Variants in RDX observed in about 807,000 individuals in gnomAD.
RDX encodes deafness, autosomal recessive 24.
In RDX, 32 loss-of-function variants were observed where a neutral mutation model predicts 83.7. The ratio of observed to expected loss-of-function variants is 0.38; its 90% CI spans 0.29 to 0.51. The LOEUF (loss-of-function observed/expected upper bound fraction) is 0.51, where lower values mean the gene tolerates loss of function less well. RDX is among the 20% of genes least tolerant of loss of function. The pLI is 0.87. For synonymous variants in RDX, 229 were observed against 222.7 expected (o/e 1.03, Z -0.25); for missense variants, 600 against 689.9 (o/e 0.87, Z 1.46).
At chr11:110,239,413 GAA>G (rs912574037) in intron 10 of RDX, among the ~76,000 whole-genome samples, 6 of 152,154 alleles carry the variant, frequency 3.9e-5, no homozygotes, top group African/African-American at 1.4e-4. Flanking sequence ...AAGAATAGAA[GAA>G]AGTGTCTACA....
At chr11:110,184,531 T>C (rs912141452) in intron 15 of RDX, among the ~76,000 whole-genome samples, 2 of 152,162 alleles carry the variant, frequency 1.3e-5, no homozygotes, top group Non-Finnish European at 2.9e-5. Context: ...CTGCTCTGAC[T>C]GATGGAAATC....
intron 1 of RDX, among the ~76,000 whole-genome samples, chr11:110,288,144 T>C (rs561427606): frequency 4.6e-5 from 7 of 152,306 alleles, no homozygotes; most frequent in South Asian, 4.1e-4. Context: ...TGATTTCTGG[T>C]TTAATGATAT....
chr11:110,272,652 A>T, intron 2 of RDX, 33 bp from the exon 3 acceptor site: 1 of 1,441,404 alleles, frequency 6.9e-7, no homozygotes, highest in Non-Finnish European at 9.7e-7. Context: ...AATAAGTAGA[A>T]GAGAAGTTAT....
At chr11:110,188,015 C>G (rs1234899028) in intron 15 of RDX, among the ~76,000 whole-genome samples, 2 of 152,166 alleles carry the variant, frequency 1.3e-5, no homozygotes, top group African/African-American at 4.8e-5. Flanking sequence ...TGGCATTGGC[C>G]GGGCATGGTG....
chr11:110,273,603 T>C (rs1197674435), intron 2 of RDX, among the ~76,000 whole-genome samples: 2 of 152,356 alleles, frequency 1.3e-5, no homozygotes, highest in African/African-American at 2.4e-5. Context: ...TAAATAATAA[T>C]TTTATTGTGT....
At chr11:110,182,663 T>A (rs1862910569) in intron 15 of RDX, among the ~76,000 whole-genome samples, 1 of 152,170 alleles carries the variant, frequency 6.6e-6, no homozygotes, top group African/African-American at 2.4e-5. Flanking sequence ...TCTTGGGTAA[T>A]CCTGTTCCTC....
At chr11:110,211,443 AG>A (rs1358318793) in intron 14 of RDX, among the ~76,000 whole-genome samples, 5 of 150,446 alleles carry the variant, frequency 3.3e-5, no homozygotes, top group Non-Finnish European at 7.4e-5. Flanking sequence ...AAAGTCAACA[AG>A]GATACCCAGG....
At chr11:110,262,002 A>C (rs1036800816) in intron 5 of RDX, among the ~76,000 whole-genome samples, 1 of 152,244 alleles carries the variant, frequency 6.6e-6, no homozygotes, top group Non-Finnish European at 1.5e-5. Flanking sequence ...GTTTAGATAA[A>C]GCATTCCTAT....
chr11:110,237,574 T>C lies in RDX; in HGVS notation c.1169A>G (p.Glu390Gly), dbSNP rs746466609. Residue 390 changes from glutamate to glycine, a missense_variant, in exon 11 of 14, where the codon GAA becomes GGA. Transcript: ENST00000645495. The stretch of plus-strand genomic sequence containing the variant: ...CTCTTCAGCAGCTCGACGCTCCTTT[T>C]CAAGTCGTTCTGCTTCTTCTTTTGC... The part of the protein sequence containing the change: ...KRAKEEAERL[E>G]KERRAAEEAK... The C allele has an allele frequency of 6.2e-7, 1 of 1,614,152 alleles. No individual in the cohort carries two copies. The highest frequency in any genetic ancestry group is 8.5e-7 in the Non-Finnish European group (1 of 1,180,030).
At position 110,247,845 on chromosome 11, in the gene RDX, T is replaced by C. The variant is rs540700692; in HGVS notation, c.960-12A>G. ...TCTCTAATTGTGCCCTTAAAAGGAA[T>C]TGCAATTGCTGTTACAAATTAATAC... On this transcript the variant is annotated splice_polypyrimidine_tract_variant and intron_variant, in intron 9 of 13. Transcript: ENST00000645495. 14 of 1,550,060 alleles carry C rather than the reference T, an allele frequency of 9.0e-6. No homozygotes were observed. The highest frequency in any genetic ancestry group is 1.2e-5 in the South Asian group (1 of 85,112).
chr11:110,189,465 C>T (rs1342486051), intron 15 of RDX, among the ~76,000 whole-genome samples: 1 of 152,016 alleles, frequency 6.6e-6, no homozygotes, highest in Non-Finnish European at 1.5e-5. Context: ...AGGCAGAAAA[C>T]TAAAAAATTT....
At chr11:110,280,322 C>A (rs948011383) in intron 1 of RDX, among the ~76,000 whole-genome samples, 1 of 152,152 alleles carries the variant, frequency 6.6e-6, no homozygotes, top group Non-Finnish European at 1.5e-5. Context: ...CAGCTCACTG[C>A]AGCCTAAACC....
At chr11:110,194,983 T>C (rs1863173305) in intron 15 of RDX, among the ~76,000 whole-genome samples, 1 of 151,990 alleles carries the variant, frequency 6.6e-6, no homozygotes, top group South Asian at 2.1e-4. Context: ...GTTTTTTGTT[T>C]TGTTTTGTTT....
At chr11:110,187,875 C>T (rs11213299) in intron 15 of RDX, among the ~76,000 whole-genome samples, 63,831 of 152,106 alleles carry the variant, frequency 0.42, 13,708 homozygotes, top group East Asian at 0.6. Context: ...AAGTATACAC[C>T]CATCTGTGTT....
intron 3 of RDX, among the ~76,000 whole-genome samples, chr11:110,265,202 T>G (rs1859987586): frequency 6.7e-6 from 1 of 150,032 alleles, no homozygotes; most frequent in Non-Finnish European, 1.5e-5. Flanking sequence ...GTGATTCTCC[T>G]GCCTCAGCCT....
At chr11:110,271,197 G>A (rs1052067940) in intron 3 of RDX, among the ~76,000 whole-genome samples, 1 of 152,220 alleles carries the variant, frequency 6.6e-6, no homozygotes, top group Admixed American at 6.5e-5. Flanking sequence ...TTACTTGTCA[G>A]GAGAATAAAC....
At chr11:110,191,784 A>T (rs1328567009) in intron 15 of RDX, among the ~76,000 whole-genome samples, 2 of 152,190 alleles carry the variant, frequency 1.3e-5, no homozygotes, top group African/African-American at 4.8e-5. Context: ...CGAACCTGGG[A>T]GGTGGAAGTT....
chr11:110,211,421 T>C (rs1167858914), intron 14 of RDX, among the ~76,000 whole-genome samples: 1 of 150,026 alleles, frequency 6.7e-6, no homozygotes. Flanking sequence ...ATTAGACAGA[T>C]CAACGAGACA....
intron 14 of RDX, among the ~76,000 whole-genome samples, chr11:110,207,022 G>A (rs1477526372): frequency 6.6e-6 from 1 of 152,022 alleles, no homozygotes; most frequent in Non-Finnish European, 1.5e-5. Flanking sequence ...GCCCAGGCTG[G>A]AGTGCAGTGG....
Sources: allele counts gnomAD v4.1 joint callset (sites outside exome capture counted in the v4.1 genomes callset), GRCh38; gene constraint gnomAD v4.1.1; transcripts MANE v1.5; gene names NCBI Gene and HGNC (gene_info 2026-07-23, HGNC 2026-07-21).